Variants in SOCS6 observed in about 807,000 individuals in gnomAD.
SOCS6 encodes STAT induced STAT inhibitor-4.
A neutral mutation model predicts 27.7 loss-of-function variants in SOCS6; 5 were observed. The observed-to-expected ratio is 0.18, with a 90% CI of 0.09 to 0.38. The LOEUF (loss-of-function observed/expected upper bound fraction) is 0.38. Ranked by LOEUF, SOCS6 falls within the 10% of genes least tolerant of loss-of-function variation. SOCS6 has a pLI of 1.00. For synonymous variants in SOCS6, 271 were observed against 260.0 expected (o/e 1.04, Z -0.41); for missense variants, 595 against 688.1 (o/e 0.86, Z 1.51).
At chr18:70,314,661 TACC>T (rs2062404348) in intron 1 of SOCS6, among the ~76,000 whole-genome samples, 1 of 152,220 alleles carries the variant, frequency 6.6e-6, no homozygotes, top group Non-Finnish European at 1.5e-5. Context: ...TCTCAGAACA[TACC>T]TGTTGTTCAG....
intron 1 of SOCS6, among the ~76,000 whole-genome samples, chr18:70,291,471 A>G (rs2094456280): frequency 6.6e-6 from 1 of 152,100 alleles, no homozygotes; most frequent in African/African-American, 2.4e-5. Context: ...TTTCTCCATT[A>G]TGGCCAGTTT....
At chr18:70,309,977 C>T (rs541555555) in intron 1 of SOCS6, among the ~76,000 whole-genome samples, 23 of 152,280 alleles carry the variant, frequency 1.5e-4, no homozygotes, top group African/African-American at 5.3e-4. Context: ...TGAGCCACCA[C>T]GCCCAGCCTG....
intron 1 of SOCS6, among the ~76,000 whole-genome samples, chr18:70,314,891 A>G (rs577027835): frequency 6.7e-6 from 1 of 149,758 alleles, no homozygotes; most frequent in East Asian, 2.0e-4. Flanking sequence ...ATATATGTCT[A>G]TTCCTATTTT....
At chr18:70,320,457 G>T (rs1325291678) in intron 1 of SOCS6, among the ~76,000 whole-genome samples, 1 of 152,108 alleles carries the variant, frequency 6.6e-6, no homozygotes, top group Non-Finnish European at 1.5e-5. Context: ...CTATGTATCT[G>T]GAGGAGGCTG....
rs892518155 is a variant in SOCS6 at position 70,327,230 on chromosome 18, A to C, written c.*954A>C. ...TCTTGGGTGAACTTGATTGTCAACT[A>C]ATTTTCATAAATGGACTGGATTCTC... On this transcript the variant is annotated 3_prime_UTR_variant, in exon 2 of 2. Transcript: ENST00000397942. 1 of 166,966 alleles carries C rather than the reference A, an allele frequency of 6.0e-6. No individual in the cohort carries two copies. Among genetic ancestry groups the C allele is most frequent in the African/African-American group, 2.4e-5 (1 of 41,436 alleles). 10.3% of individuals were successfully genotyped at this position (166,966 alleles called of 1,614,324 possible).
intron 1 of SOCS6, among the ~76,000 whole-genome samples, chr18:70,290,959 G>A (rs1295007981): frequency 6.6e-6 from 1 of 152,218 alleles, no homozygotes; most frequent in East Asian, 1.9e-4. Flanking sequence ...TGGCAGGGAA[G>A]GAATTTGAGA....
At chr18:70,316,541 G>A (rs1397102242) in intron 1 of SOCS6, among the ~76,000 whole-genome samples, 3 of 152,072 alleles carry the variant, frequency 2.0e-5, no homozygotes, top group African/African-American at 7.2e-5. Flanking sequence ...ATTTTTGGCA[G>A]ATTTTTTTCT....
chr18:70,322,310 A>G (rs1911020952), intron 1 of SOCS6, among the ~76,000 whole-genome samples: 1 of 152,244 alleles, frequency 6.6e-6, no homozygotes, highest in South Asian at 2.1e-4. Flanking sequence ...TTTGCCTAGA[A>G]TATGAAGGGA....
chr18:70,294,959 A>T (rs1353555093), intron 1 of SOCS6, among the ~76,000 whole-genome samples: 4 of 152,234 alleles, frequency 2.6e-5, no homozygotes, highest in Admixed American at 6.5e-5. Context: ...CTTATTTTCC[A>T]TAGCATCGGA....
In SOCS6 at chr18:70,325,420, C is replaced by T; in HGVS notation, c.752C>T (p.Ser251Phe). ...GACAGCTCTTCTCCCATGGAAGTCTCTGCGGTTCCTCCTCAAGTGGGAGGG... is the reference window on the plus strand; with the variant it reads ...GACAGCTCTTCTCCCATGGAAGTCTTTGCGGTTCCTCCTCAAGTGGGAGGG... ...CLDSSSPMEV[S>F]AVPPQVGGRA... Residue 251 changes from serine (S) to phenylalanine (F), a missense_variant, in exon 2 of 2, where the codon TCT becomes TTT. Coordinates refer to ENST00000397942, the MANE Select transcript of SOCS6 (RefSeq NM_004232.4). This position sits in a 1 kb window ranked among gnomAD's most constrained non-coding sequence, Gnocchi z 6.3. The T allele has an allele frequency of 6.2e-7, 1 of 1,614,234 alleles. No individual in the cohort carries two copies. Among genetic ancestry groups the T allele is most frequent in the Non-Finnish European group, 8.5e-7 (1 of 1,180,046 alleles).
rs1302153915 is a variant in SOCS6 at position 70,319,343 on chromosome 18, T to G, written c.-126-5200T>G. On this transcript the variant is annotated intron_variant, in intron 1 of 1. Transcript: ENST00000397942. ...GATTTACAACGCTATTAACTTTTTA[T>G]GTGGATTCTTTGCTTTATGTTAAAG... Among the ~76,000 whole-genome samples, 4 of 152,344 alleles carry G rather than the reference T, an allele frequency of 2.6e-5. No homozygotes were observed. In the East Asian group the frequency reaches 7.7e-4, roughly 29 times the overall value.
rs762883593 is a variant in SOCS6, at chr18:70,325,817, A to G, written c.1149A>G (p.Gly383=). Residue 383 remains glycine (G), a synonymous_variant, in exon 2 of 2, where the codon GGA becomes GGG. Transcript: ENST00000397942. The surrounding 1 kb of genome is among the most constrained non-coding windows in gnomAD (Gnocchi z 6.3). ...AGCTGAAAAAACTTGCAAAGCAAGG[A>G]TGGTACTGGGGACCAATCACACGTT... ...TEELKKLAKQ[G]WYWGPITRWE... 3.7e-6 allele frequency: 6 copies of G among 1,614,238 alleles called. No homozygotes were observed. In the East Asian group the frequency reaches 1.3e-4, roughly 36 times the overall value.
chr18:70,325,921 T>C lies in SOCS6; in HGVS notation c.1253T>C (p.Leu418Ser). The C allele has an allele frequency of 6.2e-7, 1 of 1,614,254 alleles. No homozygotes were observed. Residue 418 changes from leucine (L) to serine (S), a missense_variant, in exon 2 of 2, where the codon TTA (leucine) becomes TCA (serine). Physicochemically the swap from Leu to Ser is moderately radical, Grantham distance 145. Around this residue, in one of 2 missense-constraint regions of SOCS6, gnomAD observed 128 missense variants for 207.0 expected, o/e 0.62. Coordinates refer to ENST00000397942, the MANE Select transcript of SOCS6 (RefSeq NM_004232.4). This position sits in a 1 kb window ranked among gnomAD's most constrained non-coding sequence, Gnocchi z 6.3. Reference sequence around the variant, plus strand: ...GACAGTTCTGACGACCGTTACCTTTTAAGCTTGAGCTTTCGCTCCCATGGT... The same window carrying C: ...GACAGTTCTGACGACCGTTACCTTTCAAGCTTGAGCTTTCGCTCCCATGGT... Reference protein sequence around the residue: ...VRDSSDDRYLLSLSFRSHGKT... With the variant: ...VRDSSDDRYLSSLSFRSHGKT...
At chr18:70,300,382 G>C (rs1392128664) in intron 1 of SOCS6, among the ~76,000 whole-genome samples, 1 of 152,180 alleles carries the variant, frequency 6.6e-6, no homozygotes, top group Non-Finnish European at 1.5e-5. Context: ...GCCAGCCTCA[G>C]CCTCCCAAAG....
chr18:70,303,802 A>C (rs1287044752), intron 1 of SOCS6, among the ~76,000 whole-genome samples: 1 of 152,176 alleles, frequency 6.6e-6, no homozygotes, highest in Admixed American at 6.5e-5. Flanking sequence ...ACTAATAATA[A>C]TAAATTTTTT....
At chr18:70,309,474 A>G (rs931405541) in intron 1 of SOCS6, among the ~76,000 whole-genome samples, 3 of 152,014 alleles carry the variant, frequency 2.0e-5, no homozygotes, top group Non-Finnish European at 1.5e-5. Context: ...TGTTAAGTGC[A>G]TATTTTTTGG....
At chr18:70,310,549 C>T (rs546700639) in intron 1 of SOCS6, among the ~76,000 whole-genome samples, 31 of 144,598 alleles carry the variant, frequency 2.1e-4, no homozygotes, top group African/African-American at 7.5e-4. Context: ...CTCAAGCAGT[C>T]TGCACACCTC....
intron 1 of SOCS6, among the ~76,000 whole-genome samples, chr18:70,317,621 G>A (rs1234313019): frequency 5.3e-5 from 8 of 150,968 alleles, no homozygotes; most frequent in Non-Finnish European, 1.2e-4. Flanking sequence ...ATGGACGTTG[G>A]GCTCATTCCA....
Position 70,326,363 on chromosome 18 carries a change from T to G in SOCS6, c.*87T>G. ...ACAAACTTTCATTGCCATCAAAATC[T>G]TTTGCTGCCATAACTATTTCAGTTT... On this transcript the variant is annotated 3_prime_UTR_variant, in exon 2 of 2. Transcript: ENST00000397942. The G allele has an allele frequency of 8.7e-7, 1 of 1,152,600 alleles. No individual in the cohort carries two copies. 71.4% of individuals were successfully genotyped at this position (1,152,600 alleles called of 1,614,324 possible).
Sources: gnomAD v4.1 joint callset for allele counts (sites outside exome capture counted in the v4.1 genomes callset) on GRCh38, gnomAD v4.1.1 for gene constraint, gnomAD v4.1.1 regional missense constraint, Gnocchi (gnomAD v3.1) non-coding constraint, MANE v1.5 for transcripts, NCBI Gene and HGNC (gene_info 2026-07-23, HGNC 2026-07-21) for gene names.